Variants in GPC6 observed in about 807,000 individuals in gnomAD.
GPC6 encodes the protein glypican 6, also known as glypican-6.
GPC6 carries 14 observed loss-of-function variants against 55.2 expected under a neutral mutation model. The observed-to-expected ratio is 0.25, with a 90% CI of 0.17 to 0.40. The LOEUF (loss-of-function observed/expected upper bound fraction) is 0.40, where lower values mean the gene tolerates loss of function less well. GPC6 is among the 10% of genes least tolerant of loss of function. The pLI, the probability that GPC6 is intolerant of heterozygous loss-of-function variation, is 1.00. For synonymous variants in GPC6, 278 were observed against 259.6 expected, an observed-to-expected ratio of 1.07 and a Z score of -0.68; for missense variants, 641 against 708.5, an observed-to-expected ratio of 0.90 and a Z score of 1.08.
At chr13:94,175,951 TATATAGAG>T (rs1164548387) in intron 4 of GPC6, among the ~76,000 whole-genome samples, 382 of 95,892 alleles carry the variant, frequency 4.0e-3, no homozygotes, top group African/African-American at 0.013. Context: ...TATATATATA[TATATAGAG>T]AGAGAGAGAG....
chr13:93,393,127 T>TATATATATATATATAGAGAGAGAG (rs1230857277), intron 1 of GPC6, among the ~76,000 whole-genome samples: 1 of 87,612 alleles, frequency 1.1e-5, no homozygotes, highest in African/African-American at 3.9e-5. Context: ...TATATATATA[T>TATATATATATATATAGAGAGAGAG]AGAGAGAGAG....
chr13:93,511,042 GTT>G (rs142849504), intron 1 of GPC6, among the ~76,000 whole-genome samples: 1 of 78,018 alleles, frequency 1.3e-5, no homozygotes, highest in Middle Eastern at 6.5e-3. Context: ...GAGATTATTT[GTT>G]TTTTTTTCCT....
At chr13:93,894,257 C>T (rs767197717) in intron 3 of GPC6, among the ~76,000 whole-genome samples, 26 of 152,172 alleles carry the variant, frequency 1.7e-4, no homozygotes, top group Non-Finnish European at 3.5e-4. Flanking sequence ...GTGAATATTA[C>T]AATCTGTAGT....
chr13:93,672,486 AAAAG>A (rs1881404381), intron 2 of GPC6, among the ~76,000 whole-genome samples: 1 of 151,976 alleles, frequency 6.6e-6, no homozygotes, highest in Non-Finnish European at 1.5e-5. Flanking sequence ...GATATGTAGA[AAAAG>A]AAAGTAAAAT....
intron 4 of GPC6, among the ~76,000 whole-genome samples, chr13:94,091,253 A>G (rs1885470153): frequency 6.6e-6 from 1 of 152,170 alleles, no homozygotes; most frequent in African/African-American, 2.4e-5. Flanking sequence ...AATTCAAACT[A>G]GAAAAGCCAC....
intron 1 of GPC6, among the ~76,000 whole-genome samples, chr13:93,359,037 C>T (rs1566315770): frequency 6.7e-6 from 1 of 149,078 alleles, no homozygotes; most frequent in South Asian, 2.1e-4. Flanking sequence ...GGTGTGATCA[C>T]GGCTCACTGC....
chr13:94,292,766 A>T (rs1255402786), intron 5 of GPC6, among the ~76,000 whole-genome samples: 3 of 152,182 alleles, frequency 2.0e-5, no homozygotes, highest in African/African-American at 7.2e-5. Context: ...GAGATCATGA[A>T]TAAGTGGGAC....
At chr13:93,678,285 C>T (rs557618402) in intron 2 of GPC6, among the ~76,000 whole-genome samples, 8 of 152,146 alleles carry the variant, frequency 5.3e-5, no homozygotes, top group Non-Finnish European at 7.4e-5. Context: ...TTATACAATA[C>T]ATAGCATTCC....
chr13:93,951,723 GT>G (rs1334599858), intron 3 of GPC6, among the ~76,000 whole-genome samples: 1 of 152,098 alleles, frequency 6.6e-6, no homozygotes, highest in Admixed American at 6.5e-5. Flanking sequence ...GGTGATTAAC[GT>G]TAGGTAATAA....
chr13:93,985,084 A>C (rs948276455), intron 3 of GPC6, among the ~76,000 whole-genome samples: 1 of 152,006 alleles, frequency 6.6e-6, no homozygotes, highest in Non-Finnish European at 1.5e-5. Flanking sequence ...GTGACTACCT[A>C]TGGGCCCAAG....
At chr13:93,777,014 A>G (rs1426413814) in intron 2 of GPC6, among the ~76,000 whole-genome samples, 2 of 152,182 alleles carry the variant, frequency 1.3e-5, no homozygotes, top group African/African-American at 4.8e-5. Flanking sequence ...TCTAATAATA[A>G]AGGATGGAAC....
chr13:93,475,472 C>A (rs530893537), intron 1 of GPC6, among the ~76,000 whole-genome samples: 1 of 152,094 alleles, frequency 6.6e-6, no homozygotes, highest in African/African-American at 2.4e-5. Context: ...TTTCTATTTT[C>A]TATAGAAAAT....
At chr13:93,831,755 G>A (rs1887505126) in intron 3 of GPC6, among the ~76,000 whole-genome samples, 1 of 151,774 alleles carries the variant, frequency 6.6e-6, no homozygotes, top group African/African-American at 2.4e-5. Context: ...TAATTACAAG[G>A]GCTTATTTAT....
At chr13:93,945,834 A>T (rs1878982169) in intron 3 of GPC6, among the ~76,000 whole-genome samples, 1 of 152,206 alleles carries the variant, frequency 6.6e-6, no homozygotes, top group Non-Finnish European at 1.5e-5. Flanking sequence ...TAGTTCCAAC[A>T]TGAGTGTTTG....
At chr13:93,375,798 G>A (rs878875037) in intron 1 of GPC6, among the ~76,000 whole-genome samples, 1 of 152,144 alleles carries the variant, frequency 6.6e-6, no homozygotes, top group Non-Finnish European at 1.5e-5. Flanking sequence ...TCCCTGCAAT[G>A]GATTGCAGAA....
At chr13:93,394,069 C>A (rs9524044) in intron 1 of GPC6, among the ~76,000 whole-genome samples, 50,988 of 152,052 alleles carry the variant, frequency 0.34, 11,065 homozygotes, top group Non-Finnish European at 0.5. Context: ...GAACCCCTTC[C>A]CCTAACTTTT....
intron 2 of GPC6, among the ~76,000 whole-genome samples, chr13:93,579,573 T>C (rs1013158091): frequency 2.0e-5 from 3 of 151,926 alleles, no homozygotes; most frequent in African/African-American, 7.3e-5. Context: ...TATAAAGTTG[T>C]CCTGACTAGA....
intron 1 of GPC6, among the ~76,000 whole-genome samples, chr13:93,497,968 C>T (rs1390871207): frequency 6.6e-6 from 1 of 152,130 alleles, no homozygotes; most frequent in African/African-American, 2.4e-5. Context: ...GTAGACTGTG[C>T]TCAAATATTT....
intron 1 of GPC6, among the ~76,000 whole-genome samples, chr13:93,364,925 C>T (rs1250396613): frequency 6.6e-6 from 1 of 151,828 alleles, no homozygotes; most frequent in African/African-American, 2.4e-5. Flanking sequence ...ATGGATCCTC[C>T]CCATCTTGTC....
Sources: gnomAD v4.1 joint callset for allele counts (sites outside exome capture counted in the v4.1 genomes callset) on GRCh38, gnomAD v4.1.1 for gene constraint, MANE v1.5 for transcripts, NCBI Gene and HGNC (gene_info 2026-07-23, HGNC 2026-07-21) for gene names.